GSN: variants seen among roughly 807,000 people sequenced by gnomAD.
GSN encodes actin-depolymerizing factor.
Under a neutral mutation model 85.7 loss-of-function variants are expected in GSN, and 56 were observed. That is an observed-to-expected ratio of 0.65 (90% confidence interval 0.53 to 0.82). The LOEUF (loss-of-function observed/expected upper bound fraction) is 0.82. Ranked by LOEUF, GSN falls within the 40% of genes least tolerant of loss-of-function variation. GSN has a pLI of 0.00. For missense variants in GSN, 857 were observed against 979.8 expected (o/e 0.87, Z 1.67); for synonymous variants, 373 against 399.1 (o/e 0.93, Z 0.78).
upstream of GSN, among the ~76,000 whole-genome samples, chr9:121,204,701 C>CA (rs755253331): frequency 6.6e-6 from 1 of 152,048 alleles, no homozygotes; most frequent in African/African-American, 2.4e-5. Context: ...TTTGTAATAA[C>CA]AAAAAACTAG....
rs1057464212 is a variant in GSN, at chr9:121,261,750, C to T, written c.-340-3404C>T. Among the ~76,000 whole-genome samples the T allele has an allele frequency of 1.1e-4, 17 of 152,320 alleles. No individual in the cohort carries two copies. The highest frequency in any genetic ancestry group is 2.0e-4 in the Admixed American group (3 of 15,300). ...CATTCACCTTAAACACCTCCACGCC[C>T]GTACCTAGGGGGTTCCCATGATGAC... is the stretch of plus-strand genomic sequence containing the variant. On this transcript the variant is annotated intron_variant, in intron 6 of 24. Transcript: ENST00000373823. The surrounding 1 kb of genome is among the most constrained non-coding windows in gnomAD (Gnocchi z 4.1).
upstream of GSN, among the ~76,000 whole-genome samples, chr9:121,207,350 C>T (rs1427293253): frequency 1.3e-5 from 2 of 152,188 alleles, no homozygotes; most frequent in Non-Finnish European, 2.9e-5. Flanking sequence ...GCCAAAGACC[C>T]ATGGGCAGTG....
chr9:121,305,937 C>A (rs750923252), intron 4 of GSN, among the ~76,000 whole-genome samples: 15 of 152,240 alleles, frequency 9.9e-5, no homozygotes, highest in Non-Finnish European at 1.8e-4. Context: ...TGAGCCAATT[C>A]TGTCCTCGGA....
intron 6 of GSN, among the ~76,000 whole-genome samples, chr9:121,257,810 G>T (rs2054997730): frequency 6.6e-6 from 1 of 152,178 alleles, no homozygotes; most frequent in Admixed American, 6.5e-5. Context: ...TGTGGAAGTT[G>T]CAGTGAGCCA....
chr9:121,290,881 T>C (rs1445135210), intron 2 of GSN, among the ~76,000 whole-genome samples: 1 of 152,088 alleles, frequency 6.6e-6, no homozygotes, highest in Non-Finnish European at 1.5e-5. Context: ...CTCACGACAT[T>C]GTCCAGGTTG....
intron 5 of GSN, chr9:121,238,907 G>A: frequency 1.9e-6 from 1 of 537,266 alleles, no homozygotes; most frequent in Non-Finnish European, 3.8e-6. Flanking sequence ...ACATCTGCAT[G>A]ATTCTTCCTG....
rs2061924736 is a variant in GSN, at chr9:121,318,048, A to C, written c.887-358A>C. On this transcript the variant is annotated intron_variant, in intron 8 of 17. Coordinates refer to ENST00000432226, the MANE Select transcript of GSN (RefSeq NM_198252.3). This position sits in a 1 kb window ranked among gnomAD's most constrained non-coding sequence, Gnocchi z 4.3. ...ACTCACTGAGTAACCTAGGTCAAGT[A>C]ATTTAATCTCTCTAAGACCCTAGCT... 6.6e-6 allele frequency among the ~76,000 whole-genome samples: 1 copy of C among 152,260 alleles called. No individual in the cohort carries two copies. The highest frequency in any genetic ancestry group is 2.4e-5 in the African/African-American group (1 of 41,480).
At chr9:121,330,185 A>G (rs2063733229) in intron 16 of GSN, among the ~76,000 whole-genome samples, 2 of 152,234 alleles carry the variant, frequency 1.3e-5, no homozygotes, top group African/African-American at 4.8e-5. Flanking sequence ...ATGGTCTTGC[A>G]GGCAAAATGC....
upstream of GSN, among the ~76,000 whole-genome samples, chr9:121,207,215 C>T (rs1250885644): frequency 6.6e-6 from 1 of 152,142 alleles, no homozygotes; most frequent in African/African-American, 2.4e-5. Context: ...GCTAACAAGC[C>T]AGCCTGCCAG....
At chr9:121,238,771 A>G (rs2054545726) in intron 5 of GSN, 1 of 498,884 alleles carries the variant, frequency 2.0e-6, no homozygotes, top group Admixed American at 2.2e-5. Context: ...TGAAAAATAA[A>G]GTTCCTCTCA....
intron 13 of GSN, 24 bp from the exon 14 acceptor site, chr9:121,327,284 A>G (rs1224137015): frequency 6.2e-7 from 1 of 1,607,904 alleles, no homozygotes; most frequent in Non-Finnish European, 8.5e-7. Flanking sequence ...CTGGTTCCTG[A>G]TTAACCAAGC....
At chr9:121,254,283 G>A (rs530400374) in intron 6 of GSN, among the ~76,000 whole-genome samples, 5 of 152,324 alleles carry the variant, frequency 3.3e-5, no homozygotes, top group African/African-American at 1.2e-4. Context: ...AGCCTCCACA[G>A]CCTGCTACAT....
intron 6 of GSN, among the ~76,000 whole-genome samples, chr9:121,262,033 A>C (rs2055097137): frequency 6.6e-6 from 1 of 152,216 alleles, no homozygotes; most frequent in Non-Finnish European, 1.5e-5. Flanking sequence ...AGCAGTTCAC[A>C]ATCTTTCTGA....
At chr9:121,320,389 A>C (rs2062266242) in intron 10 of GSN, among the ~76,000 whole-genome samples, 1 of 152,226 alleles carries the variant, frequency 6.6e-6, no homozygotes, top group Admixed American at 6.5e-5. Context: ...TCACGCCTGT[A>C]ATCCCAGCAC....
At chr9:121,331,223 C>T (rs2063847541) in intron 16 of GSN, among the ~76,000 whole-genome samples, 165 bp from the exon 17 acceptor site, 1 of 152,160 alleles carries the variant, frequency 6.6e-6, no homozygotes. Context: ...TGTAGGTTGC[C>T]AGTTTTCAAC....
Position 121,332,318 on chromosome 9 carries a change from G to A in GSN, c.2027-116G>A, listed in dbSNP as rs1399446453. Reference sequence around the variant, plus strand: ...CCCAGGGCAGGGGGTGGGCAGTAGGGACAGTAGGACCATAGACCCTCTTCT... The same window carrying A: ...CCCAGGGCAGGGGGTGGGCAGTAGGAACAGTAGGACCATAGACCCTCTTCT... On this transcript the variant is annotated intron_variant, in intron 17 of 17. Coordinates refer to ENST00000432226, the MANE Select transcript of GSN (RefSeq NM_198252.3). The surrounding 1 kb of genome is among the most constrained non-coding windows in gnomAD (Gnocchi z 4.8). The A allele has an allele frequency of 7.3e-6, 7 of 962,204 alleles. No individual in the cohort carries two copies. The East Asian group carries it at 1.4e-4, about 20-fold the overall frequency. The allele number at this position is 962,204 out of a possible 1,614,324, so 59.6% of individuals were successfully genotyped here.
chr9:121,206,284 A>G (rs909255621), upstream of GSN, among the ~76,000 whole-genome samples: 2 of 152,208 alleles, frequency 1.3e-5, no homozygotes. Flanking sequence ...TCATGGTGGT[A>G]TGGCTGTCGA....
intron 10 of GSN, 133 bp from the exon 11 acceptor site, chr9:121,321,135 C>T: frequency 2.0e-6 from 2 of 983,436 alleles, no homozygotes; most frequent in Admixed American, 1.7e-5. Flanking sequence ...CCATTTAACT[C>T]CAGTCCGAGC....
At chr9:121,313,906 T>TTCCTCTC (rs1385035467) in intron 6 of GSN, 28 bp from the exon 7 acceptor site, 1 of 1,569,732 alleles carries the variant, frequency 6.4e-7, no homozygotes, top group Admixed American at 1.7e-5. Context: ...ACAGCCACCC[T>TTCCTCTC]TCCTCTCCAT....
Sources: gnomAD v4.1 joint callset for allele counts (sites outside exome capture counted in the v4.1 genomes callset) on GRCh38, gnomAD v4.1.1 for gene constraint, Gnocchi (gnomAD v3.1) non-coding constraint, MANE v1.5 for transcripts, NCBI Gene and HGNC (gene_info 2026-07-23, HGNC 2026-07-21) for gene names.